Variants in AGMO observed in about 807,000 individuals in gnomAD.
The protein encoded by AGMO is alkylglycerol monooxygenase.
AGMO carries 75 observed loss-of-function variants against 60.2 expected under a neutral mutation model. That is an observed-to-expected ratio of 1.25 (90% CI 1.03 to 1.51). AGMO has a LOEUF of 1.51. AGMO is among the 40% of genes most tolerant of loss of function. The pLI is 0.00. For synonymous variants in AGMO, 261 were observed against 177.1 expected (o/e 1.47, Z -3.76); for missense variants, 763 against 525.5 (o/e 1.45, Z -4.42).
intron 3 of AGMO, among the ~76,000 whole-genome samples, chr7:15,536,450 T>C (rs901601896): frequency 1.4e-4 from 21 of 151,992 alleles, no homozygotes; most frequent in African/African-American, 4.1e-4. Context: ...TGTTTATGCA[T>C]ACAACTATAG....
chr7:15,411,013 G>A (rs191549493), intron 5 of AGMO, among the ~76,000 whole-genome samples: 1 of 152,104 alleles, frequency 6.6e-6, no homozygotes, highest in Non-Finnish European at 1.5e-5. Flanking sequence ...TCTTTAAGAT[G>A]TGATTAGGTC....
intron 12 of AGMO, among the ~76,000 whole-genome samples, chr7:15,270,152 G>T (rs193042765): frequency 6.6e-6 from 1 of 151,978 alleles, no homozygotes; most frequent in Non-Finnish European, 1.5e-5. Flanking sequence ...TAGTTCAAAT[G>T]GTAGTTCTAT....
intron 4 of AGMO, among the ~76,000 whole-genome samples, chr7:15,423,927 C>A (rs1780991736): frequency 6.6e-6 from 1 of 152,144 alleles, no homozygotes. Flanking sequence ...CCACCTAGCT[C>A]TGGGTACTTT....
At chr7:15,343,997 G>C (rs1781946779) in intron 12 of AGMO, among the ~76,000 whole-genome samples, 3 of 152,052 alleles carry the variant, frequency 2.0e-5, no homozygotes. Flanking sequence ...GAAGACATTA[G>C]CTATCATTTT....
At chr7:15,289,264 AATTT>A (rs1202031663) in intron 12 of AGMO, among the ~76,000 whole-genome samples, 1 of 118,614 alleles carries the variant, frequency 8.4e-6, no homozygotes, top group Non-Finnish European at 1.7e-5. Flanking sequence ...ACACGAAATA[AATTT>A]ATTTAGAATG....
rs367674748 is a variant in AGMO, at chr7:15,529,655, T to C, written c.409+15117A>G. On this transcript the variant is annotated intron_variant, in intron 3 of 12. Transcript: ENST00000342526. ...TAGAATATATATATATACTATATAT[T>C]CTATATATATTCTATATATATTCTA... is the stretch of plus-strand genomic sequence containing the variant. 2.8e-4 allele frequency among the ~76,000 whole-genome samples: 2 copies of C among 7,204 alleles called. 1 individual carries two copies. Among genetic ancestry groups the C allele is most frequent in the Admixed American group, 4.2e-3 (2 of 476 alleles). 4.7% of individuals were successfully genotyped at this position (7,204 alleles called of 152,430 possible).
chr7:15,365,867 C>T (rs939998108), intron 11 of AGMO, among the ~76,000 whole-genome samples: 1 of 151,868 alleles, frequency 6.6e-6, no homozygotes, highest in Admixed American at 6.6e-5. Context: ...TTATTTTCAG[C>T]TAATAAATAT....
chr7:15,137,714 T>C, the AGMO span, among the ~76,000 whole-genome samples: 2 of 152,152 alleles, frequency 1.3e-5, no homozygotes, highest in Non-Finnish European at 2.9e-5. Context: ...TATGATCATG[T>C]TGAGGAGGTC....
rs560534030 is a variant in AGMO at position 15,457,697 on chromosome 7, T to C, written c.410-26589A>G. On this transcript the variant is annotated intron_variant, in intron 3 of 12. Transcript: ENST00000342526. ...ATACATATATTCTTTTTTAAGGGTTTATGACTGAAAGAAGTGGTAATAATA... is the reference window on the plus strand; with the variant it reads ...ATACATATATTCTTTTTTAAGGGTTCATGACTGAAAGAAGTGGTAATAATA... Among the ~76,000 whole-genome samples the C allele has an allele frequency of 3.3e-5, 5 of 152,296 alleles. No homozygotes were observed. In the South Asian group the frequency reaches 1.0e-3, roughly 32 times the overall value.
At chr7:15,203,261 A>T (rs1781352374) in intron 12 of AGMO, among the ~76,000 whole-genome samples, 1 of 152,092 alleles carries the variant, frequency 6.6e-6, no homozygotes, top group Admixed American at 6.6e-5. Context: ...ACTATTAAAA[A>T]TTTTTACCTA....
intron 3 of AGMO, among the ~76,000 whole-genome samples, chr7:15,439,052 T>G (rs2128501099): frequency 6.6e-6 from 1 of 152,290 alleles, no homozygotes; most frequent in East Asian, 1.9e-4. Flanking sequence ...CAAAATAACA[T>G]TTTCTTATCA....
chr7:15,128,939 T>A, the AGMO span, among the ~76,000 whole-genome samples: 1 of 152,014 alleles, frequency 6.6e-6, no homozygotes, highest in Admixed American at 6.6e-5. Context: ...TCAAAGGCAG[T>A]CAGGGTTGTC....
intron 6 of AGMO, among the ~76,000 whole-genome samples, chr7:15,391,859 TG>T (rs1184601036): frequency 6.6e-6 from 1 of 152,016 alleles, no homozygotes; most frequent in South Asian, 2.1e-4. Context: ...ATCTAATGGG[TG>T]GGGGCCAGTG....
intron 12 of AGMO, among the ~76,000 whole-genome samples, chr7:15,340,348 A>G (rs1042206980): frequency 1.3e-5 from 2 of 152,242 alleles, no homozygotes; most frequent in South Asian, 2.1e-4. Context: ...TCAGATTTTG[A>G]ATTTTTGACT....
At chr7:15,265,585 C>T (rs1432769927) in intron 12 of AGMO, among the ~76,000 whole-genome samples, 2 of 151,944 alleles carry the variant, frequency 1.3e-5, no homozygotes, top group South Asian at 4.2e-4. Flanking sequence ...GAGATTCTAT[C>T]TCACACCCAT....
intron 12 of AGMO, among the ~76,000 whole-genome samples, chr7:15,281,022 A>G (rs1244024046): frequency 6.6e-6 from 1 of 152,074 alleles, no homozygotes; most frequent in Non-Finnish European, 1.5e-5. Flanking sequence ...GACTCAGAGG[A>G]GCAGCAGCAT....
intron 12 of AGMO, among the ~76,000 whole-genome samples, chr7:15,255,052 T>G (rs1285226409): frequency 6.6e-6 from 1 of 152,176 alleles, no homozygotes. Flanking sequence ...GTTCATGTCC[T>G]TCGCAGGGAC....
intron 12 of AGMO, among the ~76,000 whole-genome samples, chr7:15,247,414 TCACA>T (rs71525649): frequency 0.14 from 17,861 of 123,270 alleles, 1,365 homozygotes; most frequent in South Asian, 0.24. Context: ...CTTGGAGATT[TCACA>T]CACACACACA....
chr7:15,459,166 T>C (rs773659449), intron 3 of AGMO, among the ~76,000 whole-genome samples: 6 of 152,188 alleles, frequency 3.9e-5, no homozygotes, highest in African/African-American at 7.2e-5. Context: ...AAGCTGTGTC[T>C]ATGCAGACAC....
Sources: gnomAD v4.1 joint callset for allele counts (sites outside exome capture counted in the v4.1 genomes callset) on GRCh38, gnomAD v4.1.1 for gene constraint, MANE v1.5 for transcripts, NCBI Gene and HGNC (gene_info 2026-07-23, HGNC 2026-07-21) for gene names.